Variants in DLG2 observed in about 807,000 individuals in gnomAD.
The protein encoded by DLG2 is discs large MAGUK scaffold protein 2, also known as disks large homolog 2.
DLG2 carries 45 observed loss-of-function variants against 132.5 expected under a neutral mutation model. That is an observed-to-expected ratio of 0.34 (90% confidence interval 0.27 to 0.44). The LOEUF (loss-of-function observed/expected upper bound fraction) is 0.44. Ranked by LOEUF, DLG2 falls within the 20% of genes least tolerant of loss-of-function variation. The pLI is 1.00. For missense variants in DLG2, 1,045 were observed against 1,196.9 expected (o/e 0.87, Z 1.87); for synonymous variants, 424 against 419.6 (o/e 1.01, Z -0.13).
chr11:84,300,837 T>A (rs1343019560), intron 7 of DLG2, among the ~76,000 whole-genome samples: 1 of 152,202 alleles, frequency 6.6e-6, no homozygotes, highest in Non-Finnish European at 1.5e-5. Context: ...AAAGACATGT[T>A]CATACACTCT....
intron 7 of DLG2, among the ~76,000 whole-genome samples, chr11:84,532,034 G>T (rs1272865284): frequency 6.7e-6 from 1 of 149,964 alleles, no homozygotes; most frequent in African/African-American, 2.5e-5. Flanking sequence ...AACAGCAGAT[G>T]TTCAGATAAT....
At chr11:85,212,282 T>C (rs1202799570) in intron 4 of DLG2, among the ~76,000 whole-genome samples, 1 of 152,004 alleles carries the variant, frequency 6.6e-6, no homozygotes, top group Non-Finnish European at 1.5e-5. Context: ...TGACAAGTAA[T>C]AGTCCTCTGA....
At chr11:84,484,233 C>T (rs1050479973) in intron 7 of DLG2, among the ~76,000 whole-genome samples, 1 of 152,118 alleles carries the variant, frequency 6.6e-6, no homozygotes, top group African/African-American at 2.4e-5. Flanking sequence ...ACATATGTCA[C>T]TTCTTGGTGG....
intron 7 of DLG2, among the ~76,000 whole-genome samples, chr11:84,478,216 C>A (rs759670936): frequency 2.0e-5 from 3 of 152,026 alleles, no homozygotes; most frequent in Non-Finnish European, 4.4e-5. Flanking sequence ...TATAAAAAAG[C>A]TTAATAGCAA....
intron 6 of DLG2, among the ~76,000 whole-genome samples, chr11:84,975,136 G>A (rs538533785): frequency 6.6e-6 from 1 of 152,086 alleles, no homozygotes; most frequent in East Asian, 1.9e-4. Flanking sequence ...GGATGAATAG[G>A]GATTACTGTT....
chr11:84,924,410 T>G (rs752719296), intron 6 of DLG2, among the ~76,000 whole-genome samples: 6 of 152,182 alleles, frequency 3.9e-5, no homozygotes, highest in African/African-American at 7.2e-5. Flanking sequence ...CATAACTCAC[T>G]AGAAAAAGCT....
At chr11:83,685,557 C>T (rs1361379262) in intron 18 of DLG2, among the ~76,000 whole-genome samples, 4 of 152,062 alleles carry the variant, frequency 2.6e-5, no homozygotes, top group Admixed American at 6.6e-5. Context: ...CTTTGCTGGG[C>T]GCTTCTCTGC....
chr11:83,486,194 T>C, intron 21 of DLG2: 1 of 683,800 alleles, frequency 1.5e-6, no homozygotes, highest in Non-Finnish European at 2.6e-6. Context: ...CTAAATATTC[T>C]TGCATCACTC....
At chr11:84,341,626 C>T (rs1453384395) in intron 7 of DLG2, among the ~76,000 whole-genome samples, 1 of 152,210 alleles carries the variant, frequency 6.6e-6, no homozygotes, top group African/African-American at 2.4e-5. Context: ...CACTGCATAA[C>T]AAGACAATGC....
At chr11:83,543,404 G>T (rs2096140178) in intron 19 of DLG2, among the ~76,000 whole-genome samples, 1 of 152,152 alleles carries the variant, frequency 6.6e-6, no homozygotes, top group South Asian at 2.1e-4. Context: ...GATTTACTGT[G>T]ATCCTTAATG....
Position 84,704,428 on chromosome 11 carries a change from G to A in DLG2, c.358-169697C>T, listed in dbSNP as rs1412567897. ...ATTTAGCTCTATAAAACTATGGGAC[G>A]TTATTTATTACTCTGGGCCCCTAAT... On this transcript the variant is annotated intron_variant, in intron 6 of 27. Coordinates refer to ENST00000376104, the MANE Select transcript of DLG2 (RefSeq NM_001142699.3). Among the ~76,000 whole-genome samples the A allele has an allele frequency of 4.0e-5, 6 of 151,482 alleles. No homozygotes were observed. The South Asian group carries it at 8.3e-4, about 21-fold the overall frequency.
At chr11:83,762,582 AT>A (rs57587143) in intron 18 of DLG2, among the ~76,000 whole-genome samples, 10,324 of 143,672 alleles carry the variant, frequency 0.072, 673 homozygotes, top group African/African-American at 0.18. Context: ...TTAAGTATTA[AT>A]TTTTTTTTTT....
chr11:85,039,299 G>A (rs187055983), intron 6 of DLG2, among the ~76,000 whole-genome samples: 6 of 147,210 alleles, frequency 4.1e-5, no homozygotes, highest in Middle Eastern at 3.4e-3. Context: ...AAAGTTTGCC[G>A]TCTCTCAAAA....
intron 3 of DLG2, among the ~76,000 whole-genome samples, chr11:85,380,693 G>A (rs934467810): frequency 3.3e-5 from 5 of 152,104 alleles, no homozygotes; most frequent in African/African-American, 7.2e-5. Context: ...GAACATGGAG[G>A]AGTGACAGAG....
chr11:84,444,898 G>T (rs1567653832), intron 7 of DLG2, among the ~76,000 whole-genome samples: 2 of 151,860 alleles, frequency 1.3e-5, no homozygotes, highest in East Asian at 3.9e-4. Context: ...CGCTTCCCAG[G>T]TTGAAGCGAT....
chr11:85,346,756 T>C (rs1434241928), intron 3 of DLG2, among the ~76,000 whole-genome samples: 1 of 149,336 alleles, frequency 6.7e-6, no homozygotes, highest in African/African-American at 2.5e-5. Flanking sequence ...CCTGTGACAA[T>C]GGGACTGCAA....
rs1018540744 is a variant in DLG2, at chr11:83,563,220, G to A, written c.1941-21362C>T. 1.2e-4 allele frequency among the ~76,000 whole-genome samples: 18 copies of A among 151,834 alleles called. No homozygotes were observed. In the East Asian group the frequency reaches 3.3e-3, roughly 28 times the overall value. On this transcript the variant is annotated intron_variant, in intron 19 of 27. Transcript: ENST00000376104. ...TCGCGATCTCCTGACCTCATGATCCGCCCGCCTCGGCCTCCCAAAGTGCTG... is the reference window on the plus strand; with the variant it reads ...TCGCGATCTCCTGACCTCATGATCCACCCGCCTCGGCCTCCCAAAGTGCTG...
At chr11:83,586,345 G>C (rs989352632) in intron 19 of DLG2, among the ~76,000 whole-genome samples, 1 of 152,208 alleles carries the variant, frequency 6.6e-6, no homozygotes, top group Non-Finnish European at 1.5e-5. Context: ...CAACATTTCT[G>C]TTATAGCACA....
At chr11:83,728,898 C>G (rs909491782) in intron 18 of DLG2, among the ~76,000 whole-genome samples, 7 of 152,218 alleles carry the variant, frequency 4.6e-5, no homozygotes, top group African/African-American at 1.4e-4. Flanking sequence ...AGTTGTCTTG[C>G]CCAGGAATAA....
Sources: allele counts gnomAD v4.1 joint callset (sites outside exome capture counted in the v4.1 genomes callset), GRCh38; gene constraint gnomAD v4.1.1; transcripts MANE v1.5; gene names NCBI Gene and HGNC (gene_info 2026-07-23, HGNC 2026-07-21).